The following PCCA variants were observed in gnomAD, a reference collection of about 807,000 sequenced individuals.
The protein encoded by PCCA is propionyl-CoA carboxylase alpha chain, mitochondrial.
PCCA carries 74 observed loss-of-function variants against 101.3 expected under a neutral mutation model. That is an observed-to-expected ratio of 0.73 (90% CI 0.61 to 0.89). The LOEUF (loss-of-function observed/expected upper bound fraction) is 0.89. PCCA is among the 40% of genes least tolerant of loss of function. The pLI, the probability that PCCA is intolerant of heterozygous loss-of-function variation, is 0.00. For synonymous variants in PCCA, 294 were observed against 313.6 expected, an observed-to-expected ratio of 0.94 and a Z score of 0.66; for missense variants, 891 against 907.0, an observed-to-expected ratio of 0.98 and a Z score of 0.23.
At chr13:100,475,833 A>T (rs1466298233) in intron 21 of PCCA, among the ~76,000 whole-genome samples, 7 of 152,216 alleles carry the variant, frequency 4.6e-5, no homozygotes, top group African/African-American at 1.4e-4. Context: ...TATGGTCATC[A>T]TAGTGGCTAT....
chr13:100,307,144 T>A, intron 14 of PCCA, 48 bp from the exon 15 acceptor site: 1 of 1,356,596 alleles, frequency 7.4e-7, no homozygotes, highest in Non-Finnish European at 1.0e-6. Context: ...TACAAAAAAA[T>A]ATCTACACAA....
At chr13:100,135,551 G>A (rs2051057267) in intron 4 of PCCA, among the ~76,000 whole-genome samples, 1 of 152,152 alleles carries the variant, frequency 6.6e-6, no homozygotes, top group African/African-American at 2.4e-5. Flanking sequence ...AGTTCTAGGA[G>A]TATTTTCGTA....
intron 8 of PCCA, among the ~76,000 whole-genome samples, chr13:100,246,479 T>TTTGTTG (rs1023420932): frequency 1.3e-5 from 2 of 151,806 alleles, no homozygotes; most frequent in Non-Finnish European, 2.9e-5. Flanking sequence ...TTGGCTAATT[T>TTTGTTG]TTGTTGTTGT....
chr13:100,261,607 C>T (rs1178855679), intron 9 of PCCA, among the ~76,000 whole-genome samples: 3 of 152,042 alleles, frequency 2.0e-5, no homozygotes, highest in Middle Eastern at 3.2e-3. Context: ...CTCAGGGAAG[C>T]CACTGTGCCC....
intron 19 of PCCA, among the ~76,000 whole-genome samples, chr13:100,384,759 C>G (rs1181996010): frequency 6.6e-6 from 1 of 152,058 alleles, no homozygotes; most frequent in Admixed American, 6.6e-5. Context: ...ACATTTATGC[C>G]TATTATAGGC....
At chr13:100,303,249 C>G (rs1288379175) in intron 14 of PCCA, among the ~76,000 whole-genome samples, 1 of 152,230 alleles carries the variant, frequency 6.6e-6, no homozygotes, top group South Asian at 2.1e-4. Flanking sequence ...GTTCCCAATT[C>G]TTTCGAAAAT....
chr13:100,418,169 C>T (rs7991251), intron 19 of PCCA, among the ~76,000 whole-genome samples: 4,668 of 152,316 alleles, frequency 0.031, 246 homozygotes, highest in African/African-American at 0.11. Context: ...ATACCCTTAA[C>T]TGCTCACTCC....
chr13:100,153,239 G>A lies in PCCA; in HGVS notation c.301-1740G>A, dbSNP rs186467615. 7.2e-5 allele frequency among the ~76,000 whole-genome samples: 11 copies of A among 152,260 alleles called. No homozygotes were observed. In the East Asian group the frequency reaches 7.7e-4, roughly 11 times the overall value. On this transcript the variant is annotated intron_variant, in intron 4 of 23. Transcript: ENST00000376285. Reference sequence around the variant, plus strand: ...GGAGATTAAAAAAAGAATTTAAGGCGTAACCTTATGATCTGGTGGAGGAGA... The same window carrying A: ...GGAGATTAAAAAAAGAATTTAAGGCATAACCTTATGATCTGGTGGAGGAGA...
At chr13:100,521,980 C>A (rs907586877) in intron 22 of PCCA, among the ~76,000 whole-genome samples, 2 of 152,202 alleles carry the variant, frequency 1.3e-5, no homozygotes, top group Non-Finnish European at 2.9e-5. Flanking sequence ...TTCCTCCCAC[C>A]CACCCTTCTT....
intron 21 of PCCA, among the ~76,000 whole-genome samples, chr13:100,455,433 T>G (rs142057816): frequency 6.6e-6 from 1 of 152,250 alleles, no homozygotes; most frequent in Admixed American, 6.5e-5. Context: ...ATTTTTGTTT[T>G]ACGCGTTTTT....
chr13:100,357,409 T>C (rs978729761), intron 18 of PCCA, among the ~76,000 whole-genome samples: 4 of 152,196 alleles, frequency 2.6e-5, no homozygotes, highest in African/African-American at 9.7e-5. Flanking sequence ...GAGTAGCTCT[T>C]GGGGGTAGCA....
chr13:100,416,498 C>T (rs1485133941), intron 19 of PCCA, among the ~76,000 whole-genome samples: 1 of 146,618 alleles, frequency 6.8e-6, no homozygotes, highest in Non-Finnish European at 1.5e-5. Flanking sequence ...TGTTTTTGAA[C>T]TTGTTTTAAA....
intron 1 of PCCA, among the ~76,000 whole-genome samples, chr13:100,100,668 A>C (rs1335319221): frequency 1.3e-5 from 2 of 152,292 alleles, no homozygotes; most frequent in African/African-American, 4.8e-5. Flanking sequence ...TCCCAGGAGG[A>C]AACAGGAACA....
chr13:100,321,605 G>C (rs2068051452), intron 16 of PCCA, among the ~76,000 whole-genome samples: 1 of 148,438 alleles, frequency 6.7e-6, no homozygotes, highest in Non-Finnish European at 1.5e-5. Context: ...GTGTGTGTGT[G>C]TGTGTGTGTG....
intron 21 of PCCA, among the ~76,000 whole-genome samples, chr13:100,453,132 C>T (rs151230063): frequency 3.2e-4 from 48 of 152,102 alleles, no homozygotes; most frequent in Non-Finnish European, 5.4e-4. Context: ...TACAGCGAGC[C>T]GTGATCACAC....
At chr13:100,231,867 C>T (rs1021111931) in intron 7 of PCCA, among the ~76,000 whole-genome samples, 6 of 152,118 alleles carry the variant, frequency 3.9e-5, no homozygotes, top group South Asian at 4.2e-4. Context: ...TTACCATGCC[C>T]GGCTGTCTGT....
intron 4 of PCCA, among the ~76,000 whole-genome samples, chr13:100,114,792 A>G (rs973405078): frequency 1.3e-5 from 2 of 152,216 alleles, no homozygotes; most frequent in Admixed American, 6.5e-5. Context: ...ACTGGCGAGG[A>G]TGTAGAGAAA....
At chr13:100,292,965 T>TGTGTC (rs1595156115) in intron 12 of PCCA, among the ~76,000 whole-genome samples, 72 of 53,324 alleles carry the variant, frequency 1.4e-3, no homozygotes, top group African/African-American at 4.9e-3. Flanking sequence ...GTGTGTCTGT[T>TGTGTC]TGTGTGTGTG....
intron 2 of PCCA, among the ~76,000 whole-genome samples, chr13:100,108,516 A>G (rs1046673489): frequency 6.6e-6 from 1 of 152,082 alleles, no homozygotes; most frequent in Admixed American, 6.5e-5. Flanking sequence ...CATGCGCTTC[A>G]GTCATATTGA....
Sources: allele counts gnomAD v4.1 joint callset (sites outside exome capture counted in the v4.1 genomes callset), GRCh38; gene constraint gnomAD v4.1.1; transcripts MANE v1.5; gene names NCBI Gene and HGNC (gene_info 2026-07-23, HGNC 2026-07-21).